ROR2: variants seen among roughly 807,000 people sequenced by gnomAD.
ROR2 encodes tyrosine-protein kinase transmembrane receptor ROR2.
ROR2 carries 33 observed loss-of-function variants against 74.9 expected under a neutral mutation model. The ratio of observed to expected loss-of-function variants is 0.44; its 90% CI spans 0.33 to 0.59. The LOEUF is 0.59. Among genes scored for constraint, ROR2 ranks in the 20% least tolerant of loss-of-function variants. The pLI is 0.02. For synonymous variants in ROR2, 586 were observed against 558.7 expected, an observed-to-expected ratio of 1.05 and a Z score of -0.69; for missense variants, 1,216 against 1,313.8, an observed-to-expected ratio of 0.93 and a Z score of 1.15.
At chr9:91,828,136 T>C (rs1828348914) in intron 1 of ROR2, among the ~76,000 whole-genome samples, 1 of 152,272 alleles carries the variant, frequency 6.6e-6, no homozygotes, top group East Asian at 1.9e-4. Context: ...CATTCAGTCT[T>C]CCAGAGCATA....
intron 1 of ROR2, among the ~76,000 whole-genome samples, chr9:91,811,410 A>C (rs1827747636): frequency 6.6e-6 from 1 of 152,130 alleles, no homozygotes; most frequent in African/African-American, 2.4e-5. Context: ...AGTGAGGGGG[A>C]GGGTCTCTCT....
In ROR2 at chr9:91,852,651, C is replaced by CACACACACACACACACACACA. The variant is rs1231343818; in HGVS notation, c.98-76834_98-76833insTGTGTGTGTGTGTGTGTGTGT. Among the ~76,000 whole-genome samples the CACACACACACACACACACACA allele has an allele frequency of 6.7e-3, 959 of 143,160 alleles. 22 individuals are homozygous for CACACACACACACACACACACA. Among genetic ancestry groups the CACACACACACACACACACACA allele is most frequent in the African/African-American group, 0.023 (856 of 36,840 alleles). 93.9% of individuals were successfully genotyped at this position (143,160 alleles called of 152,430 possible). ...CACACACACACACACACACACACAC[C>CACACACACACACACACACACA]CACACACACAATGTAAGTCCATAAG... On this transcript the variant is annotated intron_variant, in intron 1 of 8. Coordinates refer to ENST00000375708, the MANE Select transcript of ROR2 (RefSeq NM_004560.4).
chr9:91,734,668 C>G (rs7869073), intron 5 of ROR2, among the ~76,000 whole-genome samples: 13,435 of 152,234 alleles, frequency 0.088, 671 homozygotes, highest in South Asian at 0.26. Context: ...ATCACTCATG[C>G]CTTTCCGGGC....
Position 91,741,301 on chromosome 9 carries a change from G to GTAATAATAATAA in ROR2, c.495-3784_495-3783insTTATTATTATTA, listed in dbSNP as rs747307979. On this transcript the variant is annotated intron_variant, in intron 4 of 8. Coordinates refer to ENST00000375708, the MANE Select transcript of ROR2 (RefSeq NM_004560.4). The stretch of plus-strand genomic sequence containing the variant: ...GTGACAGAGCAAGACTCTGTCTCAA[G>GTAATAATAATAA]TAGTAATAATAATAATAATAATAAT... Among the ~76,000 whole-genome samples the GTAATAATAATAA allele has an allele frequency of 1.3e-3, 129 of 100,608 alleles. 1 individual carries two copies. Among genetic ancestry groups the GTAATAATAATAA allele is most frequent in the Middle Eastern group, 9.3e-3 (2 of 216 alleles). 66.0% of individuals were successfully genotyped at this position (100,608 alleles called of 152,430 possible).
chr9:91,890,833 T>C (rs774956286), intron 1 of ROR2, among the ~76,000 whole-genome samples: 1 of 152,228 alleles, frequency 6.6e-6, no homozygotes, highest in Non-Finnish European at 1.5e-5. Flanking sequence ...AATCCTTTTA[T>C]GGAGTTAACT....
At chr9:91,770,048 C>T (rs1826179136) in intron 2 of ROR2, among the ~76,000 whole-genome samples, 1 of 152,238 alleles carries the variant, frequency 6.6e-6, no homozygotes, top group African/African-American at 2.4e-5. Context: ...TTCTGCTGCA[C>T]CGTACTCTTC....
chr9:91,776,841 A>AG (rs1376436641), intron 1 of ROR2, among the ~76,000 whole-genome samples: 1 of 152,224 alleles, frequency 6.6e-6, no homozygotes, highest in African/African-American at 2.4e-5. Context: ...AGAGACAAAA[A>AG]TTATTAACTG....
intron 7 of ROR2, among the ~76,000 whole-genome samples, chr9:91,727,622 C>G (rs1163066463): frequency 6.6e-6 from 1 of 152,194 alleles, no homozygotes; most frequent in Non-Finnish European, 1.5e-5. Flanking sequence ...GACGCTGACC[C>G]TAAGCCTGGT....
chr9:91,764,033 T>G (rs1825990731), intron 2 of ROR2, among the ~76,000 whole-genome samples: 1 of 152,234 alleles, frequency 6.6e-6, no homozygotes, highest in African/African-American at 2.4e-5. Flanking sequence ...TTTAATATGT[T>G]TATCTACTAG....
In ROR2 at chr9:91,757,529, T is replaced by C; in HGVS notation, c.206A>G (p.Asn69Ser). The C allele has an allele frequency of 1.9e-6, 3 of 1,613,718 alleles. No homozygotes were observed. Among genetic ancestry groups the C allele is most frequent in the Non-Finnish European group, 2.5e-6 (3 of 1,179,984 alleles). The change falls in exon 3 of 9, where the codon AAC becomes AGC. Residue 69 changes from asparagine (N) to serine (S), a missense_variant. Asn to Ser is a conservative substitution (Grantham distance 46). Transcript: ENST00000375708. Reference protein sequence around the residue: ...GYFLNFLEPVNNITIVQGQTA... With the variant: ...GYFLNFLEPVSNITIVQGQTA... ...CTGGCCTTGGACAATGGTGATATTG[T>C]TTACTGGCTCCAGAAAATTCAGAAA...
intron 1 of ROR2, among the ~76,000 whole-genome samples, chr9:91,811,822 G>A (rs184920141): frequency 3.9e-5 from 6 of 152,270 alleles, no homozygotes; most frequent in Admixed American, 1.3e-4. Flanking sequence ...AGCCATTTCC[G>A]TATCTGTGTG....
In ROR2 at chr9:91,926,543, C is replaced by CAAAAAAA. The variant is rs34550588; in HGVS notation, c.97+23317_97+23323dup. Among the ~76,000 whole-genome samples, 129 of 101,114 alleles carry CAAAAAAA rather than the reference C, an allele frequency of 1.3e-3. 3 individuals carry two copies. Among genetic ancestry groups the CAAAAAAA allele is most frequent in the East Asian group, 3.8e-3 (13 of 3,462 alleles). The allele number at this position is 101,114 out of a possible 152,430, so 66.3% of individuals were successfully genotyped here. The stretch of plus-strand genomic sequence containing the variant: ...CCTGGGCGACAGAATGACTCCATCT[C>CAAAAAAA]AAAAAAAAAAAAAAAAAGAAGACAT... On this transcript the variant is annotated intron_variant, in intron 1 of 8. Transcript: ENST00000375708.
intron 1 of ROR2, among the ~76,000 whole-genome samples, chr9:91,787,921 G>T (rs1315839296): frequency 6.6e-6 from 1 of 152,064 alleles, no homozygotes; most frequent in Non-Finnish European, 1.5e-5. Flanking sequence ...ATACAACAAA[G>T]ACTTTAAATA....
chr9:91,874,218 C>T (rs1439213992), intron 1 of ROR2, among the ~76,000 whole-genome samples: 6 of 152,174 alleles, frequency 3.9e-5, no homozygotes, highest in African/African-American at 1.4e-4. Flanking sequence ...TGCTTCAGAG[C>T]AGGATTACCC....
At chr9:91,841,736 A>G (rs1828788260) in intron 1 of ROR2, among the ~76,000 whole-genome samples, 1 of 152,088 alleles carries the variant, frequency 6.6e-6, no homozygotes, top group Non-Finnish European at 1.5e-5. Context: ...GGACTCCTTC[A>G]ATCTTCAGTG....
chr9:91,827,386 G>A (rs1291224702), intron 1 of ROR2, among the ~76,000 whole-genome samples: 2 of 151,946 alleles, frequency 1.3e-5, no homozygotes, highest in East Asian at 1.9e-4. Flanking sequence ...ACTCCAGCCT[G>A]GGCAACAAGA....
At chr9:91,847,565 C>T (rs1162766378) in intron 1 of ROR2, among the ~76,000 whole-genome samples, 1 of 151,776 alleles carries the variant, frequency 6.6e-6, no homozygotes, top group African/African-American at 2.4e-5. Flanking sequence ...GCTCATACAG[C>T]AACAGTTCCA....
At chr9:91,940,594 C>CTTTTTTTTTTTTTT (rs570738211) in intron 1 of ROR2, among the ~76,000 whole-genome samples, 1 of 142,666 alleles carries the variant, frequency 7.0e-6, no homozygotes. Flanking sequence ...ACGTGCAATT[C>CTTTTTTTTTTTTTT]TTTTTTTTTT....
At chr9:91,762,606 C>A (rs866950461) in intron 2 of ROR2, among the ~76,000 whole-genome samples, 11 of 152,302 alleles carry the variant, frequency 7.2e-5, no homozygotes, top group South Asian at 2.1e-4. Context: ...AAAAAAAATT[C>A]TAGAATGCAA....
Sources: gnomAD v4.1 joint callset for allele counts (sites outside exome capture counted in the v4.1 genomes callset) on GRCh38, gnomAD v4.1.1 for gene constraint, MANE v1.5 for transcripts, NCBI Gene and HGNC (gene_info 2026-07-23, HGNC 2026-07-21) for gene names.